PTPRD: variants seen among roughly 807,000 people sequenced by gnomAD.
PTPRD encodes the protein protein tyrosine phosphatase receptor type D.
In PTPRD, 34 loss-of-function variants were observed where a neutral mutation model predicts 214.5. That is an observed-to-expected ratio of 0.16 (90% CI 0.12 to 0.21). The LOEUF (loss-of-function observed/expected upper bound fraction) is 0.21. PTPRD is among the 10% of genes least tolerant of loss of function. PTPRD has a pLI of 1.00. For missense variants in PTPRD, 2,545 were observed against 2,398.7 expected, an observed-to-expected ratio of 1.06 and a Z score of -1.27; for synonymous variants, 1,128 against 845.7, an observed-to-expected ratio of 1.33 and a Z score of -5.79.
chr9:9,274,777 A>T (rs540084059), intron 9 of PTPRD, among the ~76,000 whole-genome samples: 79 of 150,760 alleles, frequency 5.2e-4, no homozygotes, highest in Admixed American at 9.3e-4. Context: ...AAATTTTGTG[A>T]ATATTAGCTA....
Position 8,452,668 on chromosome 9 carries a change from G to A in PTPRD, c.3876-2831C>T, listed in dbSNP as rs551407636. The stretch of plus-strand genomic sequence containing the variant: ...CAGTGAGAACTATCTACTATGTGGA[G>A]GAGTTATGTAGGTGAAAAGGAAATG... On this transcript the variant is annotated intron_variant, in intron 33 of 45. Transcript: ENST00000381196. Among the ~76,000 whole-genome samples the A allele has an allele frequency of 3.3e-5, 5 of 152,206 alleles. No homozygotes were observed. In the East Asian group the frequency reaches 9.7e-4, roughly 29 times the overall value.
chr9:10,171,753 GACCT>G (rs2154298062), intron 3 of PTPRD, among the ~76,000 whole-genome samples: 1 of 152,222 alleles, frequency 6.6e-6, no homozygotes, highest in East Asian at 1.9e-4. Context: ...TCGATCTCCT[GACCT>G]TGTGATCCAC....
intron 8 of PTPRD, among the ~76,000 whole-genome samples, chr9:9,405,903 T>C (rs1248423949): frequency 1.3e-5 from 2 of 152,016 alleles, no homozygotes; most frequent in Admixed American, 6.6e-5. Flanking sequence ...TGCTTAAACA[T>C]TGTAAACACT....
At chr9:9,387,191 T>C (rs189394796) in intron 9 of PTPRD, among the ~76,000 whole-genome samples, 104 of 152,324 alleles carry the variant, frequency 6.8e-4, no homozygotes, top group Non-Finnish European at 1.4e-3. Context: ...GTTTTCAGTG[T>C]GTGTTTATGT....
chr9:8,464,198 G>C (rs2096492487), intron 32 of PTPRD, among the ~76,000 whole-genome samples: 1 of 151,846 alleles, frequency 6.6e-6, no homozygotes, highest in South Asian at 2.1e-4. Flanking sequence ...TAGATTCTCT[G>C]ATCTACCTCA....
At chr9:9,404,308 G>T (rs2072279911) in intron 8 of PTPRD, among the ~76,000 whole-genome samples, 1 of 152,106 alleles carries the variant, frequency 6.6e-6, no homozygotes, top group Non-Finnish European at 1.5e-5. Flanking sequence ...AAAACTGGGA[G>T]ATCAGTTTTG....
chr9:9,718,284 T>A (rs942599519), intron 7 of PTPRD, among the ~76,000 whole-genome samples: 2 of 152,192 alleles, frequency 1.3e-5, no homozygotes, highest in Non-Finnish European at 2.9e-5. Context: ...TAGCAGGAGT[T>A]TCATGTTCAT....
At chr9:8,772,419 CAGA>C (rs1261281772) in intron 11 of PTPRD, among the ~76,000 whole-genome samples, 1 of 151,354 alleles carries the variant, frequency 6.6e-6, no homozygotes, top group Admixed American at 6.6e-5. Context: ...AAACCTCAAG[CAGA>C]AGAACTGCTT....
intron 4 of PTPRD, among the ~76,000 whole-genome samples, chr9:9,956,573 G>A (rs952674401): frequency 6.6e-6 from 1 of 151,918 alleles, no homozygotes; most frequent in Non-Finnish European, 1.5e-5. Context: ...TTGTTATGTG[G>A]TTTATCATTT....
At chr9:9,661,111 G>A (rs905341816) in intron 7 of PTPRD, among the ~76,000 whole-genome samples, 1 of 151,886 alleles carries the variant, frequency 6.6e-6, no homozygotes, top group African/African-American at 2.4e-5. Flanking sequence ...TTTTCTCTAT[G>A]TGGGGGTCTA....
intron 7 of PTPRD, among the ~76,000 whole-genome samples, chr9:9,682,192 A>T (rs2097088381): frequency 6.6e-6 from 1 of 151,764 alleles, no homozygotes; most frequent in Non-Finnish European, 1.5e-5. Context: ...CCCTCCTCGA[A>T]GTCTGCACTA....
intron 11 of PTPRD, among the ~76,000 whole-genome samples, chr9:8,787,292 G>C (rs2096022982): frequency 6.6e-6 from 1 of 152,112 alleles, no homozygotes; most frequent in Non-Finnish European, 1.5e-5. Flanking sequence ...TCAGCTTCTA[G>C]TTACTCTACT....
At chr9:10,608,148 T>G (rs980210969) in intron 2 of PTPRD, among the ~76,000 whole-genome samples, 3 of 152,036 alleles carry the variant, frequency 2.0e-5, no homozygotes, top group African/African-American at 7.2e-5. Flanking sequence ...TTTATTTAAA[T>G]TGTGCATATT....
At chr9:8,607,451 T>C (rs1252534913) in intron 14 of PTPRD, among the ~76,000 whole-genome samples, 2 of 152,118 alleles carry the variant, frequency 1.3e-5, no homozygotes, top group Non-Finnish European at 2.9e-5. Flanking sequence ...GAGATCAGTC[T>C]GGTCAACATG....
At chr9:8,944,265 G>C (rs1175044672) in intron 11 of PTPRD, among the ~76,000 whole-genome samples, 1 of 152,084 alleles carries the variant, frequency 6.6e-6, no homozygotes. Context: ...ATGCTGGCGA[G>C]GATGTGGAGA....
intron 12 of PTPRD, among the ~76,000 whole-genome samples, chr9:8,668,764 G>T (rs368723288): frequency 6.6e-6 from 1 of 152,146 alleles, no homozygotes; most frequent in East Asian, 1.9e-4. Context: ...TACTATAATA[G>T]AATTCCAAGA....
chr9:9,190,440 G>A (rs193190798), intron 9 of PTPRD, among the ~76,000 whole-genome samples: 23 of 151,938 alleles, frequency 1.5e-4, no homozygotes, highest in East Asian at 3.9e-4. Flanking sequence ...TGCTTCTTCC[G>A]CATTTTCTCT....
At chr9:9,216,736 G>A (rs1012834516) in intron 9 of PTPRD, among the ~76,000 whole-genome samples, 1 of 151,978 alleles carries the variant, frequency 6.6e-6, no homozygotes, top group East Asian at 1.9e-4. Context: ...TTTTATTTTA[G>A]AATGAAACAA....
At chr9:10,462,734 TA>T (rs58409105) in intron 2 of PTPRD, among the ~76,000 whole-genome samples, 15,234 of 141,828 alleles carry the variant, frequency 0.11, 2,175 homozygotes, top group African/African-American at 0.33. Flanking sequence ...AGGATATAAG[TA>T]AAAAAAAAAA....
Sources: allele counts gnomAD v4.1 joint callset (sites outside exome capture counted in the v4.1 genomes callset), GRCh38; gene constraint gnomAD v4.1.1; transcripts MANE v1.5; gene names NCBI Gene and HGNC (gene_info 2026-07-23, HGNC 2026-07-21).